Variants in UTY observed in about 807,000 individuals in gnomAD.
The protein encoded by UTY is histone demethylase UTY.
UTY carries 12 observed loss-of-function variants against 32.5 expected under a neutral mutation model. The observed-to-expected ratio is 0.37, with a 90% CI of 0.24 to 0.60. The LOEUF (loss-of-function observed/expected upper bound fraction) is 0.60. Among genes scored for constraint, UTY ranks in the 20% least tolerant of loss-of-function variants. The pLI is 0.69. For missense variants in UTY, 303 were observed against 299.2 expected (o/e 1.01, Z -0.09); for synonymous variants, 131 against 103.4 (o/e 1.27, Z -1.62).
intron 17 of UTY, among the ~76,000 whole-genome samples, chrY:13,339,316 C>T (rs2149078281): frequency 6.0e-5 from 2 of 33,469 alleles, no homozygotes; most frequent in African/African-American, 2.3e-4. Context: ...AGTTTCAGCC[C>T]AGAAGGAGAA....
intron 3 of UTY, among the ~76,000 whole-genome samples, chrY:13,468,338 A>C: frequency 3.0e-5 from 1 of 33,141 alleles, no homozygotes; most frequent in Non-Finnish European, 7.4e-5. Context: ...AATAAACATT[A>C]CCAGTAAAAG....
chrY:13,262,046 C>T, intron 27 of UTY, among the ~76,000 whole-genome samples: 1 of 33,543 alleles, frequency 3.0e-5, no homozygotes, highest in Non-Finnish European at 7.4e-5. Context: ...AGGGATATTA[C>T]TGCATATGTT....
At chrY:13,459,007 G>A in intron 3 of UTY, among the ~76,000 whole-genome samples, 1 of 31,224 alleles carries the variant, frequency 3.2e-5, no homozygotes, top group Non-Finnish European at 7.7e-5. Context: ...CACACTCTGG[G>A]GACTGTTGTG....
At chrY:13,468,619 G>A (rs2078138594) in intron 3 of UTY, among the ~76,000 whole-genome samples, 1 of 32,336 alleles carries the variant, frequency 3.1e-5, no homozygotes, top group Non-Finnish European at 7.5e-5. Flanking sequence ...GGCGGAGCTT[G>A]CAGTGAGCCG....
intron 27 of UTY, among the ~76,000 whole-genome samples, chrY:13,292,204 A>G (rs2057798968): frequency 3.0e-5 from 1 of 33,022 alleles, no homozygotes; most frequent in Non-Finnish European, 7.5e-5. Context: ...TAATTCCAGA[A>G]CTTTGGGAGG....
chrY:13,257,138 G>A (rs1603251879), intron 28 of UTY, among the ~76,000 whole-genome samples: 1 of 33,853 alleles, frequency 3.0e-5, no homozygotes, highest in Admixed American at 2.7e-4. Flanking sequence ...ATGTTCCCTC[G>A]TTTGGGAAGC....
intron 3 of UTY, among the ~76,000 whole-genome samples, chrY:13,450,336 C>T (rs569051326): frequency 0.083 from 2,711 of 32,638 alleles, no homozygotes; most frequent in Non-Finnish European, 0.03. Flanking sequence ...GAAAATCTAT[C>T]GTATTGTAGC....
At chrY:13,393,824 C>T (rs999604367) in intron 8 of UTY, 35 bp downstream of exon 8, 2 of 357,492 alleles carry the variant, frequency 5.6e-6, no homozygotes, top group Non-Finnish European at 7.8e-6. Flanking sequence ...GCATAGGTGA[C>T]TGTTTCATTC....
intron 8 of UTY, among the ~76,000 whole-genome samples, chrY:13,373,901 A>G (rs772238130): frequency 9.0e-5 from 3 of 33,476 alleles, no homozygotes; most frequent in Non-Finnish European, 2.2e-4. Context: ...AGTGTTGTGT[A>G]ACCATCATCA....
chrY:13,272,789 C>T, intron 27 of UTY, among the ~76,000 whole-genome samples: 1 of 33,403 alleles, frequency 3.0e-5, no homozygotes, highest in Non-Finnish European at 7.4e-5. Context: ...CATTGAGGCT[C>T]AGTGCAGTGA....
intron 27 of UTY, among the ~76,000 whole-genome samples, chrY:13,277,112 G>A: frequency 3.0e-5 from 1 of 33,541 alleles, no homozygotes; most frequent in African/African-American, 1.2e-4. Flanking sequence ...AAAAATTAAT[G>A]CAACACCGTA....
intron 18 of UTY, among the ~76,000 whole-genome samples, chrY:13,334,070 G>A: frequency 3.0e-5 from 1 of 33,607 alleles, no homozygotes; most frequent in Non-Finnish European, 7.4e-5. Flanking sequence ...ACTGCTATAA[G>A]ATTATGTGTA....
chrY:13,320,556 C>T (rs1012251817), intron 21 of UTY, among the ~76,000 whole-genome samples: 5 of 32,733 alleles, frequency 1.5e-4, no homozygotes, highest in African/African-American at 5.9e-4. Context: ...TAATAGAATT[C>T]GAAGTAATCT....
chrY:13,365,558 T>C (rs886255613), intron 10 of UTY, among the ~76,000 whole-genome samples: 21 of 32,490 alleles, frequency 6.5e-4, no homozygotes, highest in Non-Finnish European at 9.8e-4. Flanking sequence ...AATATAATTA[T>C]ATTTTAATGT....
At chrY:13,370,765 T>C (rs953190902) in intron 8 of UTY, among the ~76,000 whole-genome samples, 4 of 32,224 alleles carry the variant, frequency 1.2e-4, no homozygotes, top group Non-Finnish European at 2.3e-4. Flanking sequence ...ACAGAAAAAA[T>C]TGGCTTGGCG....
At chrY:13,260,945 T>C in intron 27 of UTY, among the ~76,000 whole-genome samples, 1 of 33,868 alleles carries the variant, frequency 3.0e-5, no homozygotes, top group African/African-American at 1.1e-4. Flanking sequence ...GAAAATGGTA[T>C]AGTAGAATCC....
intron 10 of UTY, among the ~76,000 whole-genome samples, chrY:13,364,886 A>AT (rs2063938140): frequency 3.0e-5 from 1 of 33,842 alleles, no homozygotes; most frequent in Admixed American, 2.7e-4. Context: ...GTTACCAAAA[A>AT]TTTTTTATGT....
chrY:13,363,360 A>G (rs2063747811), intron 10 of UTY, among the ~76,000 whole-genome samples: 1 of 32,619 alleles, frequency 3.1e-5, no homozygotes, highest in African/African-American at 1.2e-4. Flanking sequence ...TAATTTTGGT[A>G]TTTTGGGTAC....
chrY:13,236,314 G>A (rs2053851481), intron 28 of UTY, among the ~76,000 whole-genome samples: 5 of 26,433 alleles, frequency 1.9e-4, no homozygotes, highest in African/African-American at 1.3e-3. Context: ...AATACCATGG[G>A]GAATTCTGTA....
Sources: gnomAD v4.1 joint callset for allele counts (sites outside exome capture counted in the v4.1 genomes callset) on GRCh38, gnomAD v4.1.1 for gene constraint, MANE v1.5 for transcripts, NCBI Gene and HGNC (gene_info 2026-07-23, HGNC 2026-07-21) for gene names.